Variants in FAM184B observed in about 807,000 individuals in gnomAD.
FAM184B encodes protein FAM184B.
FAM184B carries 111 observed loss-of-function variants against 135.9 expected under a neutral mutation model. The ratio of observed to expected loss-of-function variants is 0.82; its 90% CI spans 0.70 to 0.96. FAM184B has a LOEUF of 0.96. Ranked by LOEUF, FAM184B falls within the 40% of genes least tolerant of loss-of-function variation. The pLI, the probability that FAM184B is intolerant of heterozygous loss-of-function variation, is 0.00. For missense variants in FAM184B, 1,375 were observed against 1,323.9 expected (o/e 1.04, Z -0.60); for synonymous variants, 552 against 524.8 (o/e 1.05, Z -0.71).
chr4:17,681,772 TC>T (rs1049034763), intron 7 of FAM184B, among the ~76,000 whole-genome samples: 3 of 152,074 alleles, frequency 2.0e-5, no homozygotes, highest in African/African-American at 7.2e-5. Flanking sequence ...TTGGGCTGCT[TC>T]CCCATGGCAT....
chr4:17,659,638 C>T (rs932975609), intron 9 of FAM184B, among the ~76,000 whole-genome samples: 1 of 152,122 alleles, frequency 6.6e-6, no homozygotes, highest in African/African-American at 2.4e-5. Context: ...AGGCGCCCGC[C>T]ACATACCCAG....
At chr4:17,702,001 T>C (rs1019927271) in intron 5 of FAM184B, among the ~76,000 whole-genome samples, 3 of 152,220 alleles carry the variant, frequency 2.0e-5, no homozygotes, top group African/African-American at 7.2e-5. Flanking sequence ...GCTTCCGTAT[T>C]AGATAGCTCA....
At chr4:17,742,428 A>C (rs1329458493) in intron 1 of FAM184B, among the ~76,000 whole-genome samples, 3 of 152,082 alleles carry the variant, frequency 2.0e-5, no homozygotes, top group Non-Finnish European at 4.4e-5. Flanking sequence ...AGCAATGATA[A>C]CAGAAGGGCT....
At chr4:17,688,910 C>T (rs1266465622) in intron 6 of FAM184B, among the ~76,000 whole-genome samples, 2 of 152,064 alleles carry the variant, frequency 1.3e-5, no homozygotes, top group Non-Finnish European at 2.9e-5. Context: ...CCAGCCTGGT[C>T]TCAAACTCCT....
chr4:17,734,024 C>T (rs975787963), intron 1 of FAM184B, among the ~76,000 whole-genome samples: 6 of 152,124 alleles, frequency 3.9e-5, no homozygotes, highest in Non-Finnish European at 7.3e-5. Flanking sequence ...AGAAATAATG[C>T]CACATATCTA....
At chr4:17,708,062 T>C (rs915688526) in intron 2 of FAM184B, among the ~76,000 whole-genome samples, 7 of 152,182 alleles carry the variant, frequency 4.6e-5, no homozygotes, top group Non-Finnish European at 7.3e-5. Context: ...TGTGCTTTTG[T>C]GGGGCTCACA....
At chr4:17,658,023 C>T (rs1715816254) in intron 10 of FAM184B, among the ~76,000 whole-genome samples, 1 of 152,174 alleles carries the variant, frequency 6.6e-6, no homozygotes, top group Non-Finnish European at 1.5e-5. Flanking sequence ...GCCTGACTTC[C>T]TGGCGTGTTC....
At position 17,753,405 on chromosome 4, in the gene FAM184B, AT is replaced by A. The variant is rs553642506; in HGVS notation, c.141+27753del. Reference sequence around the variant, plus strand: ...AGAAACTTCTCTGTATGTATATTTTATTGAACAAAATGTTTTAAATGTGTTT... The same window carrying A: ...AGAAACTTCTCTGTATGTATATTTTATGAACAAAATGTTTTAAATGTGTTT... On this transcript the variant is annotated intron_variant, in intron 1 of 17. Transcript: ENST00000265018. 2.5e-3 allele frequency among the ~76,000 whole-genome samples: 381 copies of A among 152,308 alleles called. 1 individual carries two copies. Among genetic ancestry groups the A allele is most frequent in the African/African-American group, 8.4e-3 (351 of 41,578 alleles).
In FAM184B at chr4:17,639,349, GTC is replaced by G; in HGVS notation, c.2565_2566del (p.Glu855AspfsTer19). The G allele has an allele frequency of 1.3e-6, 2 of 1,551,752 alleles. No homozygotes were observed. The highest frequency in any genetic ancestry group is 1.2e-5 in the South Asian group (1 of 84,060). Reference sequence around the variant, plus strand: ...CTCCTTCCGGTGTTCCTGGCGCAGTGTCTCCACCTCCCTGGCCCGCTGGGCTT... The same window carrying G: ...CTCCTTCCGGTGTTCCTGGCGCAGTGTCCACCTCCCTGGCCCGCTGGGCTT... On this transcript the variant is annotated frameshift_variant, in exon 14 of 18. Coordinates refer to ENST00000265018, the MANE Select transcript of FAM184B (RefSeq NM_015688.2). LOFTEE classifies it high-confidence loss of function.
intron 7 of FAM184B, among the ~76,000 whole-genome samples, chr4:17,677,050 G>C (rs1284477410): frequency 1.3e-5 from 2 of 152,178 alleles, no homozygotes; most frequent in South Asian, 2.1e-4. Flanking sequence ...TTGGCTGAAT[G>C]AGTACTTTTT....
chr4:17,629,678 T>G lies in FAM184B; in HGVS notation c.*2854A>C, dbSNP rs968195639. ...TTAACTTAATCCCGAATTGGATAAT[T>G]TCTCTTCATCTTCACTGTCACCTCT... On this transcript the variant is annotated 3_prime_UTR_variant, in exon 18 of 18. Transcript: ENST00000265018. The G allele has an allele frequency of 4.6e-5, 7 of 152,234 alleles. No individual in the cohort carries two copies. The highest frequency in any genetic ancestry group is 1.2e-4 in the African/African-American group (5 of 41,456). 9.4% of individuals were successfully genotyped at this position (152,234 alleles called of 1,614,324 possible).
intron 1 of FAM184B, among the ~76,000 whole-genome samples, chr4:17,757,980 C>T (rs556339703): frequency 6.6e-6 from 1 of 152,274 alleles, no homozygotes; most frequent in Middle Eastern, 3.4e-3. Flanking sequence ...TTACAAATAT[C>T]CAACTGCCTC....
chr4:17,754,952 C>A (rs1175950741), intron 1 of FAM184B, among the ~76,000 whole-genome samples: 1 of 152,008 alleles, frequency 6.6e-6, no homozygotes, highest in East Asian at 1.9e-4. Flanking sequence ...TAGCTCACTG[C>A]AGCCTCAACC....
At position 17,635,040 on chromosome 4, in the gene FAM184B, G is replaced by A; in HGVS notation, c.2858C>T (p.Pro953Leu). 2 of 1,551,858 alleles carry A rather than the reference G, an allele frequency of 1.3e-6. No homozygotes were observed. Among genetic ancestry groups the A allele is most frequent in the Non-Finnish European group, 1.7e-6 (2 of 1,146,972 alleles). The change falls in exon 16 of 18, where the codon CCT becomes CTT. Residue 953 changes from proline (P) to leucine (L), a missense_variant. Transcript: ENST00000265018. Reference sequence around the variant, plus strand: ...GGAAGGGGTCAAATATCCCGGGTGAGGATTGAAAGAGAAAGACCGATTCCG... The same window carrying A: ...GGAAGGGGTCAAATATCCCGGGTGAAGATTGAAAGAGAAAGACCGATTCCG... The part of the protein sequence containing the change: ...SHRNRSFSFN[P>L]HPGYLTPSMK...
rs1560182093 is a variant in FAM184B at position 17,708,692 on chromosome 4, T to TG, written c.894+199_894+200insC. Among the ~76,000 whole-genome samples the TG allele has an allele frequency of 1.8e-4, 9 of 50,020 alleles. 1 individual carries two copies. The highest frequency in any genetic ancestry group is 7.7e-4 in the African/African-American group (9 of 11,668). 32.8% of individuals were successfully genotyped at this position (50,020 alleles called of 152,430 possible). A position where few individuals can be genotyped will look rare whatever the true frequency, so the allele number is the denominator to read the frequency against. On this transcript the variant is annotated intron_variant, in intron 2 of 17. Coordinates refer to ENST00000265018, the MANE Select transcript of FAM184B (RefSeq NM_015688.2). ...ATATATATATATATATATATATATA[T>TG]ATATATATATATATATAGTGTCTGT...
intron 1 of FAM184B, among the ~76,000 whole-genome samples, chr4:17,710,675 G>GA (rs934686604): frequency 1.6e-4 from 24 of 150,484 alleles, no homozygotes; most frequent in African/African-American, 3.4e-4. Context: ...TAACACAAAA[G>GA]AAAAAAAAAT....
At chr4:17,691,530 C>CA (rs1171794398) in intron 6 of FAM184B, among the ~76,000 whole-genome samples, 4 of 151,578 alleles carry the variant, frequency 2.6e-5, no homozygotes, top group African/African-American at 9.7e-5. Context: ...TACTAAAATG[C>CA]AAAAAATTAG....
At chr4:17,678,128 T>C (rs7661631) in intron 7 of FAM184B, among the ~76,000 whole-genome samples, 57,729 of 151,982 alleles carry the variant, frequency 0.38, 11,635 homozygotes, top group African/African-American at 0.46. Context: ...GGTTGCCCAC[T>C]CTCACCACTT....
chr4:17,638,796 C>T (rs1345150198), intron 14 of FAM184B, among the ~76,000 whole-genome samples: 1 of 146,304 alleles, frequency 6.8e-6, no homozygotes, highest in African/African-American at 2.8e-5. Flanking sequence ...AACATAGCCT[C>T]ATAAAATGAA....
Sources: allele counts gnomAD v4.1 joint callset (sites outside exome capture counted in the v4.1 genomes callset), GRCh38; gene constraint gnomAD v4.1.1; transcripts MANE v1.5; gene names NCBI Gene and HGNC (gene_info 2026-07-23, HGNC 2026-07-21).